Variants in COMMD1 observed in about 807,000 individuals in gnomAD.
COMMD1 encodes copper metabolism domain containing 1.
COMMD1 carries 10 observed loss-of-function variants against 17.2 expected under a neutral mutation model. The ratio of observed to expected loss-of-function variants is 0.58; its 90% CI spans 0.36 to 0.99. The LOEUF is 0.99. COMMD1 is among the 50% of genes least tolerant of loss of function. The pLI, the probability that COMMD1 is intolerant of heterozygous loss-of-function variation, is 0.01. For missense variants in COMMD1, 270 were observed against 231.8 expected (o/e 1.17, Z -1.07); for synonymous variants, 97 against 91.6 (o/e 1.06, Z -0.34).
At chr2:61,895,262 T>C (rs1669528903) in intron 1 of COMMD1, among the ~76,000 whole-genome samples, 1 of 152,162 alleles carries the variant, frequency 6.6e-6, no homozygotes, top group Non-Finnish European at 1.5e-5. Flanking sequence ...GCTTTTCAGC[T>C]GTCCACAGAT....
chr2:61,921,920 T>C (rs1670207935), intron 1 of COMMD1, among the ~76,000 whole-genome samples: 1 of 150,988 alleles, frequency 6.6e-6, no homozygotes, highest in African/African-American at 2.4e-5. Flanking sequence ...TTTACAGTTA[T>C]TCTTGTTCTT....
At chr2:62,134,592 C>G (rs939508031) in intron 2 of COMMD1, among the ~76,000 whole-genome samples, 2 of 150,020 alleles carry the variant, frequency 1.3e-5, no homozygotes, top group African/African-American at 4.9e-5. Flanking sequence ...TCCCCCTACC[C>G]CCATCTCTAC....
At chr2:61,908,511 C>CTGTATTTA (rs1220533400) in intron 1 of COMMD1, among the ~76,000 whole-genome samples, 1 of 152,070 alleles carries the variant, frequency 6.6e-6, no homozygotes, top group Admixed American at 6.6e-5. Context: ...AGGCGTGAGC[C>CTGTATTTA]ACTGCACCCA....
At chr2:62,056,887 C>A (rs930623908) in intron 2 of COMMD1, among the ~76,000 whole-genome samples, 2 of 152,206 alleles carry the variant, frequency 1.3e-5, no homozygotes, top group African/African-American at 4.8e-5. Context: ...AACTTCAAAT[C>A]TCCATACATT....
chr2:61,982,954 A>G (rs1671997466), intron 1 of COMMD1, among the ~76,000 whole-genome samples: 1 of 152,138 alleles, frequency 6.6e-6, no homozygotes, highest in African/African-American at 2.4e-5. Context: ...ATTAATGTTC[A>G]TCAGAGATAT....
chr2:61,942,738 A>G (rs912095811), intron 1 of COMMD1, among the ~76,000 whole-genome samples: 1 of 147,366 alleles, frequency 6.8e-6, no homozygotes, highest in Middle Eastern at 3.8e-3. Flanking sequence ...GGGTTTCACC[A>G]TGTTGGCCAG....
chr2:62,026,477 A>G (rs1249963830), intron 2 of COMMD1, among the ~76,000 whole-genome samples: 1 of 152,154 alleles, frequency 6.6e-6, no homozygotes, highest in African/African-American at 2.4e-5. Flanking sequence ...TGCCCCCTCG[A>G]CCCAAACACC....
Position 61,892,542 on chromosome 2 carries a change from A to G in COMMD1, n.119+3700A>G, listed in dbSNP as rs1373037349. ...ACCCTGTCTCTACTAAAAATACAAA[A>G]AATTAGCCCGGTGTTGTGGCATGCA... On this transcript the variant is annotated intron_variant and non_coding_transcript_variant, in intron 1 of 2. Coordinates refer to the COMMD1 transcript ENST00000472729. Among the ~76,000 whole-genome samples, 6 of 151,916 alleles carry G rather than the reference A, an allele frequency of 3.9e-5. No individual in the cohort carries two copies. In the East Asian group the frequency reaches 9.8e-4, roughly 25 times the overall value.
At chr2:61,929,856 C>A (rs1169377043) in intron 1 of COMMD1, among the ~76,000 whole-genome samples, 1 of 151,680 alleles carries the variant, frequency 6.6e-6, no homozygotes, top group Non-Finnish European at 1.5e-5. Flanking sequence ...CCTGGGAGGA[C>A]AAGGCTGTAG....
At chr2:62,059,565 G>A (rs1233913757) in intron 2 of COMMD1, among the ~76,000 whole-genome samples, 4 of 151,720 alleles carry the variant, frequency 2.6e-5, no homozygotes, top group African/African-American at 9.7e-5. Context: ...TAAACATTAC[G>A]CCATAAGAAG....
rs1220040871 is a variant in COMMD1, at chr2:61,975,746, T to C, written c.181-24955T>C. Among the ~76,000 whole-genome samples, 4 of 152,224 alleles carry C rather than the reference T, an allele frequency of 2.6e-5. No individual in the cohort carries two copies. The South Asian group carries it at 8.3e-4, about 31-fold the overall frequency. ...ACCTTTATATTATTTTAAAATGTGT[T>C]GTTTAATCTCCAAGTATTGTGGGGT... On this transcript the variant is annotated intron_variant, in intron 1 of 2. Transcript: ENST00000311832.
intron 1 of COMMD1, among the ~76,000 whole-genome samples, chr2:61,957,560 C>A (rs1036236699): frequency 6.6e-6 from 1 of 151,872 alleles, no homozygotes; most frequent in Non-Finnish European, 1.5e-5. Context: ...TAACGTTAGC[C>A]GTAAAGTCTT....
At chr2:61,974,181 C>T (rs1267958007) in intron 1 of COMMD1, among the ~76,000 whole-genome samples, 1 of 152,142 alleles carries the variant, frequency 6.6e-6, no homozygotes, top group Non-Finnish European at 1.5e-5. Flanking sequence ...GTAATCCCAG[C>T]TACTCAGGAG....
At chr2:62,121,197 C>T (rs1672732492) in intron 2 of COMMD1, among the ~76,000 whole-genome samples, 2 of 151,344 alleles carry the variant, frequency 1.3e-5, no homozygotes, top group South Asian at 4.2e-4. Flanking sequence ...TGGTGAAACC[C>T]CATCTCTACT....
At chr2:61,895,028 G>A (rs1669525035) in intron 1 of COMMD1, among the ~76,000 whole-genome samples, 9 of 152,146 alleles carry the variant, frequency 5.9e-5, no homozygotes, top group Admixed American at 5.9e-4. Context: ...CCATGAGGAT[G>A]CAATCAGTAA....
chr2:61,987,914 C>G (rs747632993), intron 1 of COMMD1, among the ~76,000 whole-genome samples: 1 of 152,196 alleles, frequency 6.6e-6, no homozygotes, highest in Non-Finnish European at 1.5e-5. Flanking sequence ...TCTTTCCTCC[C>G]CTTCTCCCAG....
chr2:62,125,517 T>C (rs750027544), intron 2 of COMMD1, among the ~76,000 whole-genome samples: 5 of 152,174 alleles, frequency 3.3e-5, no homozygotes, highest in African/African-American at 4.8e-5. Context: ...GTGGGACTTA[T>C]TGGCTATTGT....
At chr2:61,989,130 A>G (rs1213983977) in intron 1 of COMMD1, among the ~76,000 whole-genome samples, 1 of 152,154 alleles carries the variant, frequency 6.6e-6, no homozygotes, top group Non-Finnish European at 1.5e-5. Context: ...GGTTCTTGTG[A>G]AAGTGCTTTT....
intron 2 of COMMD1, among the ~76,000 whole-genome samples, chr2:62,068,219 G>A (rs1671106724): frequency 1.3e-5 from 2 of 152,106 alleles, no homozygotes; most frequent in South Asian, 4.1e-4. Context: ...AATAGAGTTG[G>A]GACAATTAGA....
Sources: gnomAD v4.1 joint callset for allele counts (sites outside exome capture counted in the v4.1 genomes callset) on GRCh38, gnomAD v4.1.1 for gene constraint, MANE v1.5 for transcripts, NCBI Gene and HGNC (gene_info 2026-07-23, HGNC 2026-07-21) for gene names.